Variants in EVI5L observed in about 807,000 individuals in gnomAD.
EVI5L encodes the protein EVI5-like protein.
Under a neutral mutation model 106.1 loss-of-function variants are expected in EVI5L, and 30 were observed. The observed-to-expected ratio is 0.28, with a 90% CI of 0.21 to 0.38. The LOEUF is 0.38. EVI5L is among the 10% of genes least tolerant of loss of function. The probability of loss-of-function intolerance (pLI) is 1.00; values close to 1 mark genes in which losing one functional copy is unlikely to be tolerated. For missense variants in EVI5L, 809 were observed against 1,098.0 expected (o/e 0.74, Z 3.72); for synonymous variants, 489 against 483.3 (o/e 1.01, Z -0.15).
At position 7,863,008 on chromosome 19, in the gene EVI5L, G is replaced by A; in HGVS notation, c.1984G>A (p.Ala662Thr). Reference protein sequence around the residue: ...EEVMAVRLREADSMAAVAEMR... With the variant: ...EEVMAVRLRETDSMAAVAEMR... ...GGTGATGGCTGTGCGACTGCGGGAG[G>A]CGGACAGCATGGCTGCGGTGGCCGA... Residue 662 changes from alanine to threonine, a missense_variant, in exon 18 of 20, where the codon GCG (alanine) becomes ACG (threonine). Physicochemically the swap from Ala to Thr is moderately conservative, Grantham distance 58. This residue lies in a region of EVI5L where 452 missense variants were observed against 509.9 expected (regional missense o/e 0.89). Transcript: ENST00000538904. This position sits in a 1 kb window ranked among gnomAD's most constrained non-coding sequence, Gnocchi z 7.7. 1 of 1,581,150 alleles carries A rather than the reference G, an allele frequency of 6.3e-7. No homozygotes were observed. The highest frequency in any genetic ancestry group is 8.5e-7 in the Non-Finnish European group (1 of 1,171,424).
chr19:7,851,027 G>T (rs966524847), intron 6 of EVI5L, among the ~76,000 whole-genome samples: 2 of 152,076 alleles, frequency 1.3e-5, no homozygotes, highest in Non-Finnish European at 2.9e-5. Flanking sequence ...AAGGTGGGGG[G>T]GGGGCTCCCC....
chr19:7,857,187 T>G lies in EVI5L; in HGVS notation c.1233+63T>G. 1.3e-6 allele frequency: 2 copies of G among 1,541,552 alleles called. No individual in the cohort carries two copies. The highest frequency in any genetic ancestry group is 1.8e-6 in the Non-Finnish European group (2 of 1,139,292). ...TGGCCCCTTCCCTGCACCCTGCACA[T>G]GACAGCCAGTAACCGCCTCTTCCCT... On this transcript the variant is annotated intron_variant, in intron 12 of 19. Transcript: ENST00000538904. The surrounding 1 kb of genome is among the most constrained non-coding windows in gnomAD (Gnocchi z 4.5).
At chr19:7,861,474 G>A (rs1979796626) in intron 14 of EVI5L, among the ~76,000 whole-genome samples, 2 of 152,258 alleles carry the variant, frequency 1.3e-5, no homozygotes, top group Non-Finnish European at 2.9e-5. Context: ...CACTCAGCCT[G>A]TTCCCAGGGA....
chr19:7,857,414 G>A lies in EVI5L; in HGVS notation c.1233+290G>A, dbSNP rs1251200065. On this transcript the variant is annotated intron_variant, in intron 12 of 19. Coordinates refer to ENST00000538904, the MANE Select transcript of EVI5L (RefSeq NM_001159944.3). The surrounding 1 kb of genome is among the most constrained non-coding windows in gnomAD (Gnocchi z 4.5). ...GGCGACACAGGGTGGGGACCCAGGA[G>A]GGCTGGGGAACCTAAAACCATATTC... The A allele has an allele frequency of 3.5e-6, 2 of 579,206 alleles. No homozygotes were observed. The highest frequency in any genetic ancestry group is 6.2e-6 in the Non-Finnish European group (2 of 323,476). 35.9% of individuals were successfully genotyped at this position (579,206 alleles called of 1,614,324 possible). A position where few individuals can be genotyped will look rare whatever the true frequency, so the allele number is the denominator to read the frequency against.
chr19:7,851,489 T>C lies in EVI5L; in HGVS notation c.809T>C (p.Met270Thr). 1.9e-6 allele frequency: 3 copies of C among 1,613,422 alleles called. No homozygotes were observed. Among genetic ancestry groups the C allele is most frequent in the African/African-American group, 1.3e-5 (1 of 75,004 alleles). The stretch of plus-strand genomic sequence containing the variant: ...CGTTCCCAAAGCTTCCACACATCCA[T>C]GTATGCCTCGTCCTGGTTCCTCACA... ...HFRSQSFHTS[M>T]YASSWFLTLF... is the part of the protein sequence containing the mutation. The change falls in exon 7 of 20, where the codon ATG becomes ACG. Residue 270 changes from methionine to threonine, a missense_variant. Coordinates refer to ENST00000538904, the MANE Select transcript of EVI5L (RefSeq NM_001159944.3).
intron 17 of EVI5L, 56 bp from the exon 18 acceptor site, chr19:7,862,916 C>T (rs1979913035): frequency 7.6e-7 from 1 of 1,315,370 alleles, no homozygotes; most frequent in Non-Finnish European, 1.0e-6. Context: ...GTCCCGCCCC[C>T]TGATGCGCCG....
chr19:7,848,825 G>A lies in EVI5L; in HGVS notation c.328-96G>A. 8.7e-7 allele frequency: 1 copy of A among 1,152,298 alleles called. No homozygotes were observed. The highest frequency in any genetic ancestry group is 1.4e-5 in the South Asian group (1 of 70,644). The allele number at this position is 1,152,298 out of a possible 1,614,324, so 71.4% of individuals were successfully genotyped here. ...CCATGAGTTCTGTGCCATGCTTGAG[G>A]CCTGGATGAGCCACGCCTGAGGAGC... On this transcript the variant is annotated intron_variant, in intron 3 of 19. Coordinates refer to ENST00000538904, the MANE Select transcript of EVI5L (RefSeq NM_001159944.3). The surrounding 1 kb of genome is among the most constrained non-coding windows in gnomAD (Gnocchi z 4.8).
chr19:7,853,342 A>C lies in EVI5L; in HGVS notation c.1146+9A>C. On this transcript the variant is annotated intron_variant, in intron 10 of 19. Transcript: ENST00000538904. ...AGCAGATCGAGATCAAAGTGAGTCC[A>C]GGGGCCCAGGGGCGGGGACAGGGAT... The C allele has an allele frequency of 6.2e-7, 1 of 1,605,922 alleles. No homozygotes were observed. The highest frequency in any genetic ancestry group is 8.5e-7 in the Non-Finnish European group (1 of 1,176,956).
intron 1 of EVI5L, among the ~76,000 whole-genome samples, chr19:7,843,090 AGTGT>A (rs1339379448): frequency 2.3e-5 from 3 of 130,016 alleles, no homozygotes; most frequent in Non-Finnish European, 4.9e-5. Context: ...TAGGTGTGTG[AGTGT>A]GTGAGAATAG....
At chr19:7,846,767 C>T in intron 2 of EVI5L, 88 bp downstream of exon 2, 1 of 1,509,512 alleles carries the variant, frequency 6.6e-7, no homozygotes, top group Non-Finnish European at 8.9e-7. Context: ...CATTCAGAGC[C>T]AGGCCCAGTG....
chr19:7,860,496 G>A, intron 13 of EVI5L, 65 bp from the exon 14 acceptor site: 1 of 1,442,578 alleles, frequency 6.9e-7, no homozygotes, highest in African/African-American at 1.4e-5. Flanking sequence ...GAAGCCAGCA[G>A]GCATGGAGGC....
rs1202126866 is a variant in EVI5L at position 7,850,696 on chromosome 19, C to G, written c.753+574C>G. Among the ~76,000 whole-genome samples the G allele has an allele frequency of 6.6e-6, 1 of 152,136 alleles. No individual in the cohort carries two copies. The highest frequency in any genetic ancestry group is 2.4e-5 in the African/African-American group (1 of 41,422). On this transcript the variant is annotated intron_variant, in intron 6 of 19. Coordinates refer to ENST00000538904, the MANE Select transcript of EVI5L (RefSeq NM_001159944.3). This position sits in a 1 kb window ranked among gnomAD's most constrained non-coding sequence, Gnocchi z 5.4. ...CATCCCTGGATGTGACAGCCCCACT[C>G]CCTGGGCCTGGATCATGGACGGTGC...
At position 7,856,456 on chromosome 19, in the gene EVI5L, AGAAAG is replaced by A. The variant is rs1465228895; in HGVS notation, c.1200+398_1200+402del. ...GTAATTTGGAAGTCTTGCCCTCAAAAGAAAGGAAAGGAAACCCAGTGGAGGAGAAG... is the reference window on the plus strand; with the variant it reads ...GTAATTTGGAAGTCTTGCCCTCAAAAGAAAGGAAACCCAGTGGAGGAGAAG... On this transcript the variant is annotated intron_variant, in intron 11 of 19. Coordinates refer to ENST00000538904, the MANE Select transcript of EVI5L (RefSeq NM_001159944.3). This position sits in a 1 kb window ranked among gnomAD's most constrained non-coding sequence, Gnocchi z 6.6. Among the ~76,000 whole-genome samples the A allele has an allele frequency of 6.6e-6, 1 of 152,100 alleles. No homozygotes were observed. The highest frequency in any genetic ancestry group is 1.5e-5 in the Non-Finnish European group (1 of 67,990).
intron 1 of EVI5L, among the ~76,000 whole-genome samples, chr19:7,837,690 T>G (rs1373406095): frequency 1.3e-5 from 2 of 151,958 alleles, no homozygotes; most frequent in Admixed American, 1.3e-4. Flanking sequence ...TTTGTTTGGT[T>G]TGGTTTGGTT....
intron 8 of EVI5L, 100 bp downstream of exon 8, chr19:7,851,870 T>C (rs1599572240): frequency 2.7e-6 from 3 of 1,109,076 alleles, no homozygotes; most frequent in East Asian, 5.8e-5. Flanking sequence ...GCTTCGAGGG[T>C]GGAAGGTGGT....
chr19:7,845,602 T>C lies in EVI5L; in HGVS notation c.-47-894T>C, dbSNP rs1978916765. ...CGGAGGCTCAGAGACACCAAGTGAC[T>C]GGCCCAAGGTCACACAGCTGGTTGA... is the stretch of plus-strand genomic sequence containing the variant. On this transcript the variant is annotated intron_variant, in intron 1 of 19. Transcript: ENST00000538904. The surrounding 1 kb of genome is among the most constrained non-coding windows in gnomAD (Gnocchi z 4.0). Among the ~76,000 whole-genome samples the C allele has an allele frequency of 6.6e-6, 1 of 152,204 alleles. No homozygotes were observed. Among genetic ancestry groups the C allele is most frequent in the Admixed American group, 6.5e-5 (1 of 15,278 alleles).
In EVI5L at chr19:7,863,359, G is replaced by A; in HGVS notation, c.2140-65G>A. On this transcript the variant is annotated intron_variant, in intron 19 of 19. Coordinates refer to ENST00000538904, the MANE Select transcript of EVI5L (RefSeq NM_001159944.3). This position sits in a 1 kb window ranked among gnomAD's most constrained non-coding sequence, Gnocchi z 7.7. ...GAGCCGAGCGCAGGTGCCTTGCGGAGGATGCGGCTGGGAGGGCGGGGCAGA... is the reference window on the plus strand; with the variant it reads ...GAGCCGAGCGCAGGTGCCTTGCGGAAGATGCGGCTGGGAGGGCGGGGCAGA... 2 of 1,540,790 alleles carry A rather than the reference G, an allele frequency of 1.3e-6. No individual in the cohort carries two copies. The highest frequency in any genetic ancestry group is 1.8e-6 in the Non-Finnish European group (2 of 1,142,484).
intron 1 of EVI5L, among the ~76,000 whole-genome samples, chr19:7,840,058 G>A (rs1978532900): frequency 6.6e-6 from 1 of 152,198 alleles, no homozygotes; most frequent in Non-Finnish European, 1.5e-5. Flanking sequence ...GTGGGTGGGT[G>A]GAGGTGGCAG....
At position 7,864,370 on chromosome 19, in the gene EVI5L, C is replaced by T. The variant is rs1329533207; in HGVS notation, c.*668C>T. The T allele has an allele frequency of 6.6e-6, 1 of 152,484 alleles. No homozygotes were observed. The highest frequency in any genetic ancestry group is 6.5e-5 in the Admixed American group (1 of 15,284). 9.4% of individuals were successfully genotyped at this position (152,484 alleles called of 1,614,324 possible). On this transcript the variant is annotated 3_prime_UTR_variant, in exon 20 of 20. Transcript: ENST00000538904. This position sits in a 1 kb window ranked among gnomAD's most constrained non-coding sequence, Gnocchi z 4.5. ...GCTAACGGGAAGCCTCCCTGCTTCT[C>T]TGGGGCCAGAGCAGCTTCCAGGAAG... is the stretch of plus-strand genomic sequence containing the variant.
Sources: allele counts gnomAD v4.1 joint callset (sites outside exome capture counted in the v4.1 genomes callset), GRCh38; gene constraint gnomAD v4.1.1; regional missense constraint gnomAD v4.1.1; non-coding constraint Gnocchi (gnomAD v3.1); transcripts MANE v1.5; gene names NCBI Gene and HGNC (gene_info 2026-07-23, HGNC 2026-07-21).